Variants in FAM83G observed in about 807,000 individuals in gnomAD.
FAM83G encodes scaffolding CK1 anchoring protein G, also known as protein FAM83G.
FAM83G carries 38 observed loss-of-function variants against 61.5 expected under a neutral mutation model. The ratio of observed to expected loss-of-function variants is 0.62; its 90% CI spans 0.48 to 0.81. The LOEUF (loss-of-function observed/expected upper bound fraction) is 0.81. Ranked by LOEUF, FAM83G falls within the 30% of genes least tolerant of loss-of-function variation. The pLI, the probability that FAM83G is intolerant of heterozygous loss-of-function variation, is 0.00. For synonymous variants in FAM83G, 470 were observed against 476.1 expected, an observed-to-expected ratio of 0.99 and a Z score of 0.17; for missense variants, 989 against 1,133.6, an observed-to-expected ratio of 0.87 and a Z score of 1.83.
chr17:18,971,547 T>C lies in FAM83G; in HGVS notation c.2284A>G (p.Arg762Gly). The change falls in exon 6 of 6, where the codon AGA becomes GGA. Residue 762 changes from arginine (R) to glycine (G), a missense_variant. This residue lies in a region of FAM83G where 574 missense variants were observed against 645.1 expected (regional missense o/e 0.89). Transcript: ENST00000388995. The surrounding 1 kb of genome is among the most constrained non-coding windows in gnomAD (Gnocchi z 5.5). Reference sequence around the variant, plus strand: ...ATGGGGCGGGCATTTTGGGCCAGTCTTGGGCTGCCGGGATCCGGAAGCAGG... The same window carrying C: ...ATGGGGCGGGCATTTTGGGCCAGTCCTGGGCTGCCGGGATCCGGAAGCAGG... ...PRLLPDPGSP[R>G]LAQNARPMTD... The C allele has an allele frequency of 6.2e-7, 1 of 1,613,880 alleles. No individual in the cohort carries two copies. The highest frequency in any genetic ancestry group is 8.5e-7 in the Non-Finnish European group (1 of 1,180,010).
intron 2 of FAM83G, among the ~76,000 whole-genome samples, chr17:18,994,871 A>G (rs1015713321): frequency 6.6e-6 from 1 of 152,234 alleles, no homozygotes; most frequent in Non-Finnish European, 1.5e-5. Flanking sequence ...ATAAATATCT[A>G]TGTTCTATTG....
chr17:18,975,551 G>A (rs2042954549), intron 5 of FAM83G, among the ~76,000 whole-genome samples: 1 of 152,084 alleles, frequency 6.6e-6, no homozygotes, highest in Non-Finnish European at 1.5e-5. Context: ...AAAATTAGCC[G>A]GGCGTGGTGG....
intron 3 of FAM83G, among the ~76,000 whole-genome samples, chr17:18,987,488 A>G (rs913408190): frequency 1.3e-5 from 2 of 152,242 alleles, no homozygotes; most frequent in Non-Finnish European, 2.9e-5. Flanking sequence ...GGCTGGCAGA[A>G]GGAGGGCTCC....
Position 18,977,692 on chromosome 17 carries a change from G to A in FAM83G, c.1974C>T (p.Thr658=), listed in dbSNP as rs749024147. 1 of 1,610,268 alleles carries A rather than the reference G, an allele frequency of 6.2e-7. No homozygotes were observed. The highest frequency in any genetic ancestry group is 1.3e-5 in the African/African-American group (1 of 74,882). Residue 658 remains threonine, a synonymous_variant, in exon 5 of 6, where the codon ACC becomes ACT. Transcript: ENST00000388995. Reference sequence around the variant, plus strand: ...GGGAGCCACCCTGGGGTCCAACAAAGGTCCCTCGGGTTATATGGGGGGCAC... The same window carrying A: ...GGGAGCCACCCTGGGGTCCAACAAAAGTCCCTCGGGTTATATGGGGGGCAC... ...QLSAPHITRG[T]FVGPQGGSPW...
intron 5 of FAM83G, among the ~76,000 whole-genome samples, chr17:18,972,406 G>A (rs529795927): frequency 1.2e-4 from 19 of 152,292 alleles, no homozygotes; most frequent in Middle Eastern, 3.4e-3. Flanking sequence ...GAGTAGGCCC[G>A]ACCAGCTCCA....
At chr17:18,983,275 G>A (rs1028105441) in intron 3 of FAM83G, among the ~76,000 whole-genome samples, 6 of 152,244 alleles carry the variant, frequency 3.9e-5, no homozygotes, top group Admixed American at 3.3e-4. Flanking sequence ...ACACAACCCC[G>A]TGAGGCATCA....
rs1251971554 is a variant in FAM83G at position 18,978,571 on chromosome 17, AGAG to A, written c.1092_1094del (p.Ser365del). ...GGGGCTTCTTGGCCTCCTGCTTCTC[AGAG>A]GAGATCTTGGCAATCTCGTCGACGC... On this transcript the variant is annotated inframe_deletion, in exon 5 of 6. Coordinates refer to ENST00000388995, the MANE Select transcript of FAM83G (RefSeq NM_001039999.3). The A allele has an allele frequency of 5.0e-6, 8 of 1,613,096 alleles. No individual in the cohort carries two copies. The highest frequency in any genetic ancestry group is 4.4e-5 in the South Asian group (4 of 91,086).
intron 2 of FAM83G, among the ~76,000 whole-genome samples, chr17:19,002,829 G>C (rs1386789241): frequency 1.3e-5 from 2 of 152,298 alleles, no homozygotes; most frequent in East Asian, 3.9e-4. Flanking sequence ...GTGGAGAAGG[G>C]GAGGGCCAGA....
intron 5 of FAM83G, among the ~76,000 whole-genome samples, chr17:18,975,272 C>A (rs894474305): frequency 1.3e-5 from 2 of 152,322 alleles, no homozygotes; most frequent in East Asian, 1.9e-4. Context: ...GCTTGCCCTG[C>A]GTTCGGAGGC....
At position 18,971,630 on chromosome 17, in the gene FAM83G, G is replaced by A; in HGVS notation, c.2201C>T (p.Ala734Val). Residue 734 changes from alanine (A) to valine (V), a missense_variant, in exon 6 of 6, where the codon GCT (alanine) becomes GTT (valine). Ala to Val is a moderately conservative substitution (Grantham distance 64). Transcript: ENST00000388995. The surrounding 1 kb of genome is among the most constrained non-coding windows in gnomAD (Gnocchi z 5.5). The part of the protein sequence containing the change: ...ADSVQSSTRN[A>V]GPAMAGPHHW... ...GTGGGGGCCAGCCATGGCTGGGCCA[G>A]CGTTTCTGGTAGAGCTCTGGACGCT... 1 of 1,613,510 alleles carries A rather than the reference G, an allele frequency of 6.2e-7. No individual in the cohort carries two copies. The highest frequency in any genetic ancestry group is 8.5e-7 in the Non-Finnish European group (1 of 1,180,004).
chr17:18,981,782 C>T (rs2043140317), intron 3 of FAM83G, among the ~76,000 whole-genome samples: 1 of 152,098 alleles, frequency 6.6e-6, no homozygotes, highest in Admixed American at 6.5e-5. Flanking sequence ...CCCCACCCCG[C>T]AGGCTGCAGG....
At chr17:18,993,586 C>T (rs2043486881) in intron 2 of FAM83G, among the ~76,000 whole-genome samples, 1 of 152,210 alleles carries the variant, frequency 6.6e-6, no homozygotes, top group African/African-American at 2.4e-5. Context: ...GACAGATACC[C>T]TCAAGCCTGC....
chr17:18,976,617 G>A (rs1018232013), intron 5 of FAM83G: 2 of 545,214 alleles, frequency 3.7e-6, no homozygotes, highest in Non-Finnish European at 3.2e-6. Flanking sequence ...GACAGGTCAG[G>A]GGACTGAGTC....
chr17:18,988,384 C>T lies in FAM83G; in HGVS notation c.553G>A (p.Asp185Asn), dbSNP rs1487661504. ...AGCAGGTCCTTGAAGATGTCCACGT[C>T]GGTGAACATGTCCATGACCACAGCT... ...VIAVVMDMFT[D>N]VDIFKDLLDA... The change falls in exon 3 of 6, where the codon GAC becomes AAC. Residue 185 changes from aspartate to asparagine, a missense_variant. By Grantham distance (23) the Asp-to-Asn change is conservative. Transcript: ENST00000388995. 5 of 1,614,048 alleles carry T rather than the reference C, an allele frequency of 3.1e-6. No homozygotes were observed. The highest frequency in any genetic ancestry group is 1.7e-5 in the Admixed American group (1 of 60,010).
At chr17:18,984,332 CAAAAAAA>C (rs1176935676) in intron 3 of FAM83G, among the ~76,000 whole-genome samples, 1 of 68,002 alleles carries the variant, frequency 1.5e-5, no homozygotes, top group South Asian at 4.9e-4. Flanking sequence ...GACTCCCTCT[CAAAAAAA>C]AAAAAAAAAA....
chr17:18,988,368 T>C lies in FAM83G; in HGVS notation c.569A>G (p.Lys190Arg), dbSNP rs1489064524. 1.9e-6 allele frequency: 3 copies of C among 1,614,218 alleles called. No individual in the cohort carries two copies. The highest frequency in any genetic ancestry group is 1.1e-5 in the South Asian group (1 of 91,086). ...CTTGAAGCCGGCGTCCAGCAGGTCC[T>C]TGAAGATGTCCACGTCGGTGAACAT... Reference protein sequence around the residue: ...MDMFTDVDIFKDLLDAGFKRK... With the variant: ...MDMFTDVDIFRDLLDAGFKRK... The change falls in exon 3 of 6, where the codon AAG becomes AGG. Residue 190 changes from lysine (K) to arginine (R), a missense_variant. Lys to Arg is a conservative substitution (Grantham distance 26). Around this residue, in one of 3 missense-constraint regions of FAM83G, gnomAD observed 371 missense variants for 404.5 expected, o/e 0.92. Transcript: ENST00000388995.
At position 18,971,871 on chromosome 17, in the gene FAM83G, C is replaced by T; in HGVS notation, c.2083-123G>A. On this transcript the variant is annotated intron_variant, in intron 5 of 5. Transcript: ENST00000388995. The surrounding 1 kb of genome is among the most constrained non-coding windows in gnomAD (Gnocchi z 5.5). ...GTTCGCCTCCTGGCTCTGCCATTCA[C>T]CAGGGAGTGGGCCTAGACCAGTTGG... 1.9e-6 allele frequency: 2 copies of T among 1,050,852 alleles called. No individual in the cohort carries two copies. Among genetic ancestry groups the T allele is most frequent in the South Asian group, 1.7e-5 (1 of 59,556 alleles). 65.1% of individuals were successfully genotyped at this position (1,050,852 alleles called of 1,614,324 possible).
intron 3 of FAM83G, among the ~76,000 whole-genome samples, chr17:18,980,969 C>T (rs928304079): frequency 4.6e-5 from 7 of 152,172 alleles, no homozygotes; most frequent in Admixed American, 1.3e-4. Flanking sequence ...TCGGCTATGA[C>T]GTGTTCTTAG....
intron 2 of FAM83G, among the ~76,000 whole-genome samples, chr17:18,991,668 T>C (rs116036225): frequency 0.1 from 15,773 of 152,226 alleles, 949 homozygotes; most frequent in South Asian, 0.23. Context: ...GGGGCAGGCA[T>C]GGCAGGCGGG....
Sources: gnomAD v4.1 joint callset for allele counts (sites outside exome capture counted in the v4.1 genomes callset) on GRCh38, gnomAD v4.1.1 for gene constraint, gnomAD v4.1.1 regional missense constraint, Gnocchi (gnomAD v3.1) non-coding constraint, MANE v1.5 for transcripts, NCBI Gene and HGNC (gene_info 2026-07-23, HGNC 2026-07-21) for gene names.